TUSC3: variants seen among roughly 807,000 people sequenced by gnomAD.
The protein encoded by TUSC3 is dolichyl-diphosphooligosaccharide--protein glycosyltransferase subunit TUSC3.
TUSC3 carries 45 observed loss-of-function variants against 44.8 expected under a neutral mutation model. The observed-to-expected ratio is 1.00, with a 90% CI of 0.79 to 1.29. The LOEUF is 1.29. Ranked by LOEUF, TUSC3 falls within the 50% of genes most tolerant of loss-of-function variation. The pLI is 0.00. For missense variants in TUSC3, 519 were observed against 437.9 expected (o/e 1.19, Z -1.65); for synonymous variants, 212 against 152.9 (o/e 1.39, Z -2.85).
At chr8:15,565,820 C>T (rs1205866871) in intron 1 of TUSC3, among the ~76,000 whole-genome samples, 1 of 152,104 alleles carries the variant, frequency 6.6e-6, no homozygotes, top group African/African-American at 2.4e-5. Flanking sequence ...GAGCAGCCAT[C>T]AGCCTAGGTG....
chr8:15,478,693 T>C (rs1445551714), intron 1 of TUSC3, among the ~76,000 whole-genome samples: 2 of 152,210 alleles, frequency 1.3e-5, no homozygotes, highest in South Asian at 2.1e-4. Flanking sequence ...GATGGGTATT[T>C]GTGTTGGTTC....
chr8:15,680,399 A>C (rs435540), intron 6 of TUSC3, among the ~76,000 whole-genome samples: 120,870 of 151,954 alleles, frequency 0.8, 48,382 homozygotes, highest in Non-Finnish European at 0.84. Flanking sequence ...TTGGTTCTTG[A>C]CTTGAACGTT....
intron 1 of TUSC3, among the ~76,000 whole-genome samples, chr8:15,603,709 T>C (rs1194211576): frequency 6.6e-6 from 1 of 151,618 alleles, no homozygotes; most frequent in African/African-American, 2.4e-5. Flanking sequence ...TGTCTTGAGA[T>C]ATCAGCAATG....
intron 1 of TUSC3, among the ~76,000 whole-genome samples, chr8:15,600,222 G>T (rs1034346516): frequency 1.3e-5 from 2 of 151,724 alleles, no homozygotes; most frequent in African/African-American, 4.8e-5. Flanking sequence ...GAAAACTGTA[G>T]TCTGTGGAAG....
chr8:15,423,969 GTTTTTTTTTTT>G lies in TUSC3; in HGVS notation n.91+6692_91+6702del, dbSNP rs112397215. 2.9e-3 allele frequency among the ~76,000 whole-genome samples: 205 copies of G among 70,390 alleles called. 20 individuals are homozygous for G. The highest frequency in any genetic ancestry group is 7.5e-3 in the African/African-American group (184 of 24,496). The allele number at this position is 70,390 out of a possible 152,430, so 46.2% of individuals were successfully genotyped here. ...TACAGCATTCATACTGTTTTGCTTT[GTTTTTTTTTTT>G]TTTTTTTTTTTTTTTTTTTTTTTTT... is the stretch of plus-strand genomic sequence containing the variant. On this transcript the variant is annotated intron_variant and non_coding_transcript_variant, in intron 1 of 5. Coordinates refer to the TUSC3 transcript ENST00000503191.
At chr8:15,822,643 A>G in the TUSC3 span, among the ~76,000 whole-genome samples, 4 of 152,156 alleles carry the variant, frequency 2.6e-5, no homozygotes, top group Non-Finnish European at 5.9e-5. Flanking sequence ...TGGGGAATTC[A>G]TGTTAAGATG....
intron 9 of TUSC3, among the ~76,000 whole-genome samples, chr8:15,751,981 G>C (rs1811723914): frequency 6.6e-6 from 1 of 152,148 alleles, no homozygotes; most frequent in South Asian, 2.1e-4. Flanking sequence ...AATTTGAGTT[G>C]TTAAATGCTT....
At chr8:15,481,724 A>G (rs1399902019) in intron 1 of TUSC3, among the ~76,000 whole-genome samples, 2 of 152,190 alleles carry the variant, frequency 1.3e-5, no homozygotes, top group African/African-American at 4.8e-5. Context: ...CTTAATTTTA[A>G]AACACTTTAT....
chr8:15,435,867 A>C (rs1799939414), intron 1 of TUSC3, among the ~76,000 whole-genome samples: 1 of 152,186 alleles, frequency 6.6e-6, no homozygotes, highest in Non-Finnish European at 1.5e-5. Context: ...TATCTTTGTA[A>C]CAGATTACCT....
intron 6 of TUSC3, among the ~76,000 whole-genome samples, chr8:15,678,804 A>G (rs1217689361): frequency 1.3e-5 from 2 of 152,198 alleles, no homozygotes; most frequent in African/African-American, 2.4e-5. Context: ...TGGAGTCCGT[A>G]GCATCTGTTG....
chr8:15,452,369 A>G (rs1005312626), intron 1 of TUSC3, among the ~76,000 whole-genome samples: 1 of 152,202 alleles, frequency 6.6e-6, no homozygotes, highest in African/African-American at 2.4e-5. Context: ...AAATAGCAAA[A>G]GATCAAATGA....
intron 1 of TUSC3, among the ~76,000 whole-genome samples, chr8:15,617,194 C>T (rs1471948684): frequency 7.0e-6 from 1 of 142,892 alleles, no homozygotes; most frequent in East Asian, 2.1e-4. Flanking sequence ...GGTTGCAGTG[C>T]AGTGGTGTGA....
intron 1 of TUSC3, among the ~76,000 whole-genome samples, chr8:15,440,723 T>A (rs1287185042): frequency 6.6e-6 from 1 of 152,236 alleles, no homozygotes; most frequent in African/African-American, 2.4e-5. Context: ...TGAACTTCTC[T>A]AGAATAGACA....
chr8:15,786,549 A>G, the TUSC3 span, among the ~76,000 whole-genome samples: 1 of 152,204 alleles, frequency 6.6e-6, no homozygotes, highest in African/African-American at 2.4e-5. Context: ...AGGATGCAGA[A>G]TAGAGAAAAA....
chr8:15,587,712 C>A (rs1041112836), intron 1 of TUSC3, among the ~76,000 whole-genome samples: 1 of 152,022 alleles, frequency 6.6e-6, no homozygotes, highest in Non-Finnish European at 1.5e-5. Context: ...CCAACCTCAC[C>A]CTATCCTCTC....
At chr8:15,686,179 A>G (rs937472468) in intron 6 of TUSC3, among the ~76,000 whole-genome samples, 1 of 152,202 alleles carries the variant, frequency 6.6e-6, no homozygotes, top group African/African-American at 2.4e-5. Context: ...AAACTATACA[A>G]ACATATGGTT....
intron 1 of TUSC3, among the ~76,000 whole-genome samples, chr8:15,615,354 G>A (rs183038240): frequency 6.6e-6 from 1 of 152,090 alleles, no homozygotes; most frequent in African/African-American, 2.4e-5. Context: ...AAGTAAGTCA[G>A]GCACAAAAAG....
chr8:15,459,315 G>A (rs1369591280), intron 1 of TUSC3, among the ~76,000 whole-genome samples: 1 of 152,046 alleles, frequency 6.6e-6, no homozygotes, highest in East Asian at 1.9e-4. Context: ...TGTTTTGGAT[G>A]CTTTCATTCC....
At chr8:15,803,116 C>T in the TUSC3 span, among the ~76,000 whole-genome samples, 3 of 152,302 alleles carry the variant, frequency 2.0e-5, no homozygotes, top group Admixed American at 2.0e-4. Context: ...TAGTTACCTT[C>T]ATAATGTTGG....
Sources: allele counts gnomAD v4.1 joint callset (sites outside exome capture counted in the v4.1 genomes callset), GRCh38; gene constraint gnomAD v4.1.1; transcripts MANE v1.5; gene names NCBI Gene and HGNC (gene_info 2026-07-23, HGNC 2026-07-21).